Variants in IGF2R observed in about 807,000 individuals in gnomAD.
IGF2R encodes the protein insulin like growth factor 2 receptor.
IGF2R carries 91 observed loss-of-function variants against 270.6 expected under a neutral mutation model. The observed-to-expected ratio is 0.34, with a 90% CI of 0.28 to 0.40. IGF2R has a LOEUF of 0.40. Ranked by LOEUF, IGF2R falls within the 10% of genes least tolerant of loss-of-function variation. IGF2R has a pLI of 1.00. For missense variants in IGF2R, 2,805 were observed against 3,188.3 expected, an observed-to-expected ratio of 0.88 and a Z score of 2.90; for synonymous variants, 1,316 against 1,258.9, an observed-to-expected ratio of 1.05 and a Z score of -0.96.
chr6:160,101,734 T>G (rs1779489329), intron 45 of IGF2R, among the ~76,000 whole-genome samples: 1 of 152,244 alleles, frequency 6.6e-6, no homozygotes, highest in Admixed American at 6.5e-5. Flanking sequence ...GTCGTTACAC[T>G]CTTGAGTGTC....
intron 25 of IGF2R, among the ~76,000 whole-genome samples, chr6:160,062,288 C>T (rs1778457740): frequency 6.6e-6 from 1 of 151,026 alleles, no homozygotes; most frequent in Non-Finnish European, 1.5e-5. Context: ...ATTCTCCTGC[C>T]TCAGCCTCCC....
In IGF2R at chr6:160,091,635, ACT is replaced by A. The variant is rs1779228860; in HGVS notation, c.6655+1535_6655+1536del. 5.3e-5 allele frequency among the ~76,000 whole-genome samples: 8 copies of A among 152,320 alleles called. No individual in the cohort carries two copies. The South Asian group carries it at 1.5e-3, about 28-fold the overall frequency. ...CATAACTCCACAGCACGGAGCTAGCACTCTGTGTTTCTCTGTTCTCTGCCTTC... is the reference window on the plus strand; with the variant it reads ...CATAACTCCACAGCACGGAGCTAGCACTGTGTTTCTCTGTTCTCTGCCTTC... On this transcript the variant is annotated intron_variant, in intron 44 of 47. Transcript: ENST00000356956.
At position 160,080,109 on chromosome 6, in the gene IGF2R, A is replaced by T. The variant is rs1439236840; in HGVS notation, c.5687-20A>T. ...GGCGAGGCACAGCTGCCACACTGAT[A>T]ATGTTCTTCTTCTTTCCAGAAACCG... is the stretch of plus-strand genomic sequence containing the variant. On this transcript the variant is annotated intron_variant, in intron 38 of 47. Coordinates refer to ENST00000356956, the MANE Select transcript of IGF2R (RefSeq NM_000876.4). 2.5e-6 allele frequency: 4 copies of T among 1,613,270 alleles called. No homozygotes were observed. Among genetic ancestry groups the T allele is most frequent in the Non-Finnish European group, 2.5e-6 (3 of 1,179,548 alleles).
chr6:159,997,001 G>T (rs1307729761), intron 2 of IGF2R, among the ~76,000 whole-genome samples: 4 of 152,218 alleles, frequency 2.6e-5, no homozygotes. Context: ...CCACAGCAGT[G>T]GGTAGAGGGT....
intron 2 of IGF2R, chr6:160,006,559 G>C (rs1784241746): frequency 1.3e-5 from 2 of 152,310 alleles, no homozygotes; most frequent in South Asian, 4.1e-4. Context: ...AAAGACCCTG[G>C]GTGTTGCAGA....
chr6:159,986,102 C>T (rs1783879300), intron 1 of IGF2R, among the ~76,000 whole-genome samples: 1 of 152,110 alleles, frequency 6.6e-6, no homozygotes, highest in Non-Finnish European at 1.5e-5. Flanking sequence ...GTTCTCCCCG[C>T]TCCTCTCCTG....
intron 39 of IGF2R, among the ~76,000 whole-genome samples, chr6:160,082,202 A>C (rs1778998335): frequency 6.6e-6 from 1 of 152,232 alleles, no homozygotes; most frequent in Non-Finnish European, 1.5e-5. Context: ...AAATTTACGA[A>C]GGATTGCTAT....
chr6:160,078,212 G>A lies in IGF2R; in HGVS notation c.5328G>A (p.Lys1776=), dbSNP rs1415442710. The change falls in exon 37 of 48, where the codon AAG becomes AAA. Residue 1776 remains lysine, a synonymous_variant. Transcript: ENST00000356956. ...CKRGVSMGTP[K]LLRTSECDFV... ...CTTCCTGGCAACAGGGAACGCCTAA[G>A]CTGTTAAGGACCAGCGAGTGCGACT... 6.2e-7 allele frequency: 1 copy of A among 1,614,164 alleles called. No individual in the cohort carries two copies. Among genetic ancestry groups the A allele is most frequent in the South Asian group, 1.1e-5 (1 of 91,088 alleles).
intron 32 of IGF2R, 58 bp from the exon 33 acceptor site, chr6:160,072,707 G>A: frequency 6.2e-7 from 1 of 1,607,596 alleles, no homozygotes; most frequent in South Asian, 1.1e-5. Context: ...CCGATGATGA[G>A]CCTCCCAAGT....
chr6:160,047,042 C>A, intron 15 of IGF2R, 117 bp from the exon 16 acceptor site: 2 of 905,832 alleles, frequency 2.2e-6, no homozygotes, highest in South Asian at 1.5e-5. Context: ...TGGTCTGCAG[C>A]CCGGGCCTGG....
chr6:159,971,723 C>T (rs967980780), intron 1 of IGF2R, among the ~76,000 whole-genome samples: 1 of 152,232 alleles, frequency 6.6e-6, no homozygotes. Context: ...TCATAGCTCA[C>T]TACAGTCGTG....
chr6:160,111,188 T>G lies in IGF2R; in HGVS notation c.*6104T>G, dbSNP rs1299314416. ...ATGTTGTACAACATAAGTATACAAT[T>G]GACCCTTGAACAATACAGGTTTGAA... is the stretch of plus-strand genomic sequence containing the variant. On this transcript the variant is annotated 3_prime_UTR_variant, in exon 48 of 48. Transcript: ENST00000356956. 6.6e-6 allele frequency: 1 copy of G among 152,144 alleles called. No individual in the cohort carries two copies. The highest frequency in any genetic ancestry group is 1.5e-5 in the Non-Finnish European group (1 of 68,038). 9.4% of individuals were successfully genotyped at this position (152,144 alleles called of 1,614,324 possible).
intron 1 of IGF2R, among the ~76,000 whole-genome samples, chr6:159,981,528 C>G (rs1186176882): frequency 1.3e-5 from 2 of 152,214 alleles, no homozygotes; most frequent in Non-Finnish European, 2.9e-5. Context: ...AGTTTTTAAG[C>G]AGTCCAACTC....
chr6:160,017,873 A>T (rs1777342406), intron 4 of IGF2R, among the ~76,000 whole-genome samples: 1 of 152,204 alleles, frequency 6.6e-6, no homozygotes, highest in Non-Finnish European at 1.5e-5. Context: ...TATACAGGGA[A>T]ACAAAAGTTT....
chr6:160,087,481 A>T (rs887374097), intron 41 of IGF2R, among the ~76,000 whole-genome samples: 4 of 152,208 alleles, frequency 2.6e-5, no homozygotes, highest in Non-Finnish European at 5.9e-5. Context: ...GCCACAAAGT[A>T]CGGGAGTAGG....
chr6:160,062,509 C>T lies in IGF2R; in HGVS notation c.3583-23C>T, dbSNP rs768309388. 6.3e-6 allele frequency: 10 copies of T among 1,576,358 alleles called. No individual in the cohort carries two copies. In the South Asian group the frequency reaches 8.9e-5, roughly 14 times the overall value. On this transcript the variant is annotated intron_variant, in intron 25 of 47. Coordinates refer to ENST00000356956, the MANE Select transcript of IGF2R (RefSeq NM_000876.4). ...TTTTTAAAATAAACAGGAAACAAAT[C>T]AGGCTGCTGATTTATATTACAGGGC...
Position 160,075,948 on chromosome 6 carries a change from C to T in IGF2R, c.5268C>T (p.Phe1756=), listed in dbSNP as rs1457464853. 6.2e-7 allele frequency: 1 copy of T among 1,614,102 alleles called. No homozygotes were observed. The highest frequency in any genetic ancestry group is 1.7e-5 in the Admixed American group (1 of 60,018). The change falls in exon 36 of 48, where the codon TTC becomes TTT. Residue 1756 remains phenylalanine (F), a synonymous_variant. Coordinates refer to ENST00000356956, the MANE Select transcript of IGF2R (RefSeq NM_000876.4). ...SSTPCLADKH[F]NYTSLIAFHC... Reference sequence around the variant, plus strand: ...CTCCTTGCTTAGCGGACAAGCATTTCAACTACACCTCGCTCATCGCGTTTC... The same window carrying T: ...CTCCTTGCTTAGCGGACAAGCATTTTAACTACACCTCGCTCATCGCGTTTC...
intron 2 of IGF2R, among the ~76,000 whole-genome samples, 169 bp downstream of exon 2, chr6:159,991,492 G>T (rs118076707): frequency 6.6e-6 from 1 of 152,146 alleles, no homozygotes; most frequent in African/African-American, 2.4e-5. Context: ...AAATGCTAAC[G>T]GTTTGAATGT....
intron 30 of IGF2R, 38 bp downstream of exon 30, chr6:160,068,423 G>A: frequency 6.2e-7 from 1 of 1,610,498 alleles, no homozygotes; most frequent in Non-Finnish European, 8.5e-7. Flanking sequence ...TGTTTGCAGT[G>A]AGTGTATCAC....
Sources: gnomAD v4.1 joint callset for allele counts (sites outside exome capture counted in the v4.1 genomes callset) on GRCh38, gnomAD v4.1.1 for gene constraint, MANE v1.5 for transcripts, NCBI Gene and HGNC (gene_info 2026-07-23, HGNC 2026-07-21) for gene names.